The following UBE2B variants were observed in gnomAD, a reference collection of about 807,000 sequenced individuals.
UBE2B encodes the protein ubiquitin conjugating enzyme E2 B.
UBE2B carries 11 observed loss-of-function variants against 24.6 expected under a neutral mutation model. That is an observed-to-expected ratio of 0.45 (90% CI 0.28 to 0.74). UBE2B has a LOEUF of 0.74. UBE2B is among the 30% of genes least tolerant of loss of function. The pLI is 0.13. For synonymous variants in UBE2B, 68 were observed against 62.4 expected (o/e 1.09, Z -0.42); for missense variants, 78 against 185.6 (o/e 0.42, Z 3.37).
intron 4 of UBE2B, among the ~76,000 whole-genome samples, chr5:134,381,611 CA>C (rs1470324971): frequency 6.6e-6 from 1 of 152,052 alleles, no homozygotes; most frequent in African/African-American, 2.4e-5. Flanking sequence ...ACAAAGCTTC[CA>C]AATTTGAGGT....
chr5:134,387,014 C>T (rs1758816699), intron 4 of UBE2B, among the ~76,000 whole-genome samples: 1 of 149,492 alleles, frequency 6.7e-6, no homozygotes, highest in Non-Finnish European at 1.5e-5. Flanking sequence ...GGCTGGAGTG[C>T]AGTGGCGTGA....
intron 5 of UBE2B, 76 bp downstream of exon 5, chr5:134,388,489 C>T (rs1758842470): frequency 1.5e-6 from 2 of 1,304,740 alleles, no homozygotes; most frequent in Admixed American, 3.4e-5. Flanking sequence ...ACACAGGTAA[C>T]CAATGGCAGA....
intron 4 of UBE2B, among the ~76,000 whole-genome samples, chr5:134,385,889 T>C (rs1280682299): frequency 6.6e-6 from 1 of 151,968 alleles, no homozygotes; most frequent in Non-Finnish European, 1.5e-5. Context: ...GATGTGTGCC[T>C]GTAATCCCAC....
chr5:134,377,380 T>A (rs1360400637), intron 3 of UBE2B, among the ~76,000 whole-genome samples: 1 of 152,202 alleles, frequency 6.6e-6, no homozygotes, highest in Non-Finnish European at 1.5e-5. Flanking sequence ...CAGCAGTTTG[T>A]AAGGACGTAA....
chr5:134,377,668 A>G lies in UBE2B; in HGVS notation c.151+974A>G, dbSNP rs76505464. 6.2e-3 allele frequency among the ~76,000 whole-genome samples: 939 copies of G among 152,154 alleles called. 8 individuals are homozygous for G. Among genetic ancestry groups the G allele is most frequent in the African/African-American group, 0.022 (901 of 41,522 alleles). On this transcript the variant is annotated intron_variant, in intron 3 of 5. Coordinates refer to ENST00000265339, the MANE Select transcript of UBE2B (RefSeq NM_003337.4). ...TAAGGACGTTACCTTTTTTCTCTAC[A>G]TCAAGGGTTCTCAAGTGTGTGATCC...
Position 134,374,583 on chromosome 5 carries a change from G to C in UBE2B, c.125+120G>C, listed in dbSNP as rs1053772783. ...ATGAGAGATCTTAAGGACTAAAACT[G>C]CAAGATAAATTAGAAAAAAAAAATA... On this transcript the variant is annotated intron_variant, in intron 2 of 5. Coordinates refer to ENST00000265339, the MANE Select transcript of UBE2B (RefSeq NM_003337.4). The C allele has an allele frequency of 8.9e-6, 10 of 1,119,760 alleles. No individual in the cohort carries two copies. In the African/African-American group the frequency reaches 1.4e-4, roughly 16 times the overall value. The allele number at this position is 1,119,760 out of a possible 1,614,324, so 69.4% of individuals were successfully genotyped here. A position where few individuals can be genotyped will look rare whatever the true frequency, so the allele number is the denominator to read the frequency against.
intron 4 of UBE2B, among the ~76,000 whole-genome samples, chr5:134,382,289 T>TA (rs1008065609): frequency 4.0e-5 from 6 of 148,250 alleles, no homozygotes; most frequent in African/African-American, 1.2e-4. Context: ...CCCATCCCTA[T>TA]AAAAAACAAA....
intron 1 of UBE2B, among the ~76,000 whole-genome samples, chr5:134,371,885 C>G (rs1010663299): frequency 6.6e-6 from 1 of 152,182 alleles, no homozygotes; most frequent in Non-Finnish European, 1.5e-5. Context: ...ATCGACTGGT[C>G]TAGGGTTCCC....
rs75153813 is a variant in UBE2B, at chr5:134,376,540, A to G, written c.126-129A>G. 1.1e-3 allele frequency: 1,029 copies of G among 956,786 alleles called. 9 individuals carry two copies. The African/African-American group carries it at 0.015, about 14-fold the overall frequency. 59.3% of individuals were successfully genotyped at this position (956,786 alleles called of 1,614,324 possible). A position where few individuals can be genotyped will look rare whatever the true frequency, so the allele number is the denominator to read the frequency against. ...CAGGGCTAAGGTGTTACTAAACTCT[A>G]TCTTAAAACTCCACAAATCATCAGA... On this transcript the variant is annotated intron_variant, in intron 2 of 5. Coordinates refer to ENST00000265339, the MANE Select transcript of UBE2B (RefSeq NM_003337.4).
rs1308128491 is a variant in UBE2B at position 134,391,845 on chromosome 5, A to C, written c.*1492A>C. ...GTTGGGCATAGTGGCACTTGCCTGT[A>C]GTCTCAGCTACTTAGGAGGCTGAGG... On this transcript the variant is annotated 3_prime_UTR_variant, in exon 6 of 6. Coordinates refer to ENST00000265339, the MANE Select transcript of UBE2B (RefSeq NM_003337.4). 2.0e-5 allele frequency: 3 copies of C among 152,202 alleles called. No homozygotes were observed. Among genetic ancestry groups the C allele is most frequent in the Non-Finnish European group, 4.4e-5 (3 of 68,044 alleles). The allele number at this position is 152,202 out of a possible 1,614,324, so 9.4% of individuals were successfully genotyped here.
chr5:134,371,722 T>TGAGG, intron 1 of UBE2B, 83 bp downstream of exon 1: 1 of 1,590,978 alleles, frequency 6.3e-7, no homozygotes, highest in Non-Finnish European at 8.6e-7. Flanking sequence ...CCTTCCCCTT[T>TGAGG]GTGACCCTCA....
chr5:134,387,812 T>G (rs34611918), intron 4 of UBE2B, among the ~76,000 whole-genome samples: 1 of 152,314 alleles, frequency 6.6e-6, no homozygotes, highest in East Asian at 1.9e-4. Flanking sequence ...TTTTTACTTT[T>G]ATTTTTTTGA....
At chr5:134,373,615 C>T (rs566911910) in intron 1 of UBE2B, among the ~76,000 whole-genome samples, 3 of 152,286 alleles carry the variant, frequency 2.0e-5, no homozygotes, top group South Asian at 4.1e-4. Context: ...GGTATATCTC[C>T]TAATGGTATC....
At chr5:134,383,157 C>A (rs1404285586) in intron 4 of UBE2B, among the ~76,000 whole-genome samples, 1 of 152,048 alleles carries the variant, frequency 6.6e-6, no homozygotes, top group African/African-American at 2.4e-5. Context: ...GAGCAAGACT[C>A]CATCTCAAAA....
rs1221534530 is a variant in UBE2B, at chr5:134,390,441, G to T, written c.*88G>T. 3 of 1,543,838 alleles carry T rather than the reference G, an allele frequency of 1.9e-6. No homozygotes were observed. The highest frequency in any genetic ancestry group is 2.7e-6 in the Non-Finnish European group (3 of 1,126,330). ...GGCTAACAAATTTTAAGTGCCACAG[G>T]TTTTAAGGATTCTGCAGAAAAAAAA... On this transcript the variant is annotated 3_prime_UTR_variant, in exon 6 of 6. Transcript: ENST00000265339. This position sits in a 1 kb window ranked among gnomAD's most constrained non-coding sequence, Gnocchi z 4.6.
intron 3 of UBE2B, among the ~76,000 whole-genome samples, chr5:134,378,106 G>C (rs1758639652): frequency 6.6e-6 from 1 of 152,078 alleles, no homozygotes; most frequent in Non-Finnish European, 1.5e-5. Context: ...AGAGGTCAAG[G>C]CTGCAGTGAG....
chr5:134,380,679 C>A, intron 3 of UBE2B, 40 bp from the exon 4 acceptor site: 1 of 1,185,584 alleles, frequency 8.4e-7, no homozygotes, highest in South Asian at 1.3e-5. Flanking sequence ...ATTAAAAAGT[C>A]GTGCTTGTCT....
intron 4 of UBE2B, among the ~76,000 whole-genome samples, chr5:134,384,381 T>C (rs986210623): frequency 3.9e-5 from 6 of 151,906 alleles, no homozygotes; most frequent in Non-Finnish European, 5.9e-5. Context: ...CCAAGACAGG[T>C]TTAATTTTAT....
At chr5:134,383,421 T>TGCCTCA (rs992663595) in intron 4 of UBE2B, among the ~76,000 whole-genome samples, 1 of 150,774 alleles carries the variant, frequency 6.6e-6, no homozygotes, top group Non-Finnish European at 1.5e-5. Context: ...GTGATTCTCT[T>TGCCTCA]GCCTCAGCCT....
Sources: allele counts gnomAD v4.1 joint callset (sites outside exome capture counted in the v4.1 genomes callset), GRCh38; gene constraint gnomAD v4.1.1; non-coding constraint Gnocchi (gnomAD v3.1); transcripts MANE v1.5; gene names NCBI Gene and HGNC (gene_info 2026-07-23, HGNC 2026-07-21).